TLCD3B: variants seen among roughly 807,000 people sequenced by gnomAD.
TLCD3B encodes the protein TLC domain containing 3B, also known as ceramide synthase.
Under a neutral mutation model 23.0 loss-of-function variants are expected in TLCD3B, and 9 were observed. That is an observed-to-expected ratio of 0.39 (90% CI 0.24 to 0.68). The LOEUF (loss-of-function observed/expected upper bound fraction) is 0.68. Among genes scored for constraint, TLCD3B ranks in the 30% least tolerant of loss-of-function variants. The pLI, the probability that TLCD3B is intolerant of heterozygous loss-of-function variation, is 0.44. For missense variants in TLCD3B, 307 were observed against 371.8 expected, an observed-to-expected ratio of 0.83 and a Z score of 1.43; for synonymous variants, 161 against 161.0, an observed-to-expected ratio of 1.00 and a Z score of 0.00.
At chr16:30,040,537 G>A (rs2071565300) in intron 3 of TLCD3B, among the ~76,000 whole-genome samples, 1 of 152,196 alleles carries the variant, frequency 6.6e-6, no homozygotes, top group South Asian at 2.1e-4. Context: ...GGCGAAGAGA[G>A]GGGAAGGCAT....
chr16:30,024,818 G>A lies in TLCD3B; in HGVS notation c.*365C>T. 4.2e-6 allele frequency: 1 copy of A among 235,856 alleles called. No individual in the cohort carries two copies. The highest frequency in any genetic ancestry group is 8.1e-6 in the Non-Finnish European group (1 of 123,718). The allele number at this position is 235,856 out of a possible 1,614,324, so 14.6% of individuals were successfully genotyped here. A position where few individuals can be genotyped will look rare whatever the true frequency, so the allele number is the denominator to read the frequency against. On this transcript the variant is annotated 3_prime_UTR_variant, in exon 5 of 5. Transcript: ENST00000380495. ...TCTCGGGTGATGGGGAGCCCTGGGG[G>A]ATGGCAGCATAGGGGCTGGGATGGC...
intron 2 of TLCD3B, among the ~76,000 whole-genome samples, chr16:30,042,680 T>G (rs1287227556): frequency 6.6e-6 from 1 of 152,140 alleles, no homozygotes; most frequent in Non-Finnish European, 1.5e-5. Flanking sequence ...ACCAATATCC[T>G]AACTCAGCCT....
At chr16:30,042,067 G>A (rs951999586) in intron 2 of TLCD3B, among the ~76,000 whole-genome samples, 3 of 151,910 alleles carry the variant, frequency 2.0e-5, no homozygotes, top group East Asian at 1.9e-4. Context: ...TGCCTATCAC[G>A]AAAGTTTAAT....
In TLCD3B at chr16:30,025,359, G is replaced by A. The variant is rs202084270; in HGVS notation, c.649C>T (p.Arg217Cys). 100 of 1,598,450 alleles carry A rather than the reference G, an allele frequency of 6.3e-5. No individual in the cohort carries two copies. The East Asian group carries it at 1.3e-3, about 21-fold the overall frequency. The change falls in exon 5 of 5, where the codon CGC becomes TGC. Residue 217 changes from arginine to cysteine, a missense_variant. Coordinates refer to ENST00000380495, the MANE Select transcript of TLCD3B (RefSeq NM_031478.6). The surrounding 1 kb of genome is among the most constrained non-coding windows in gnomAD (Gnocchi z 4.1). The part of the protein sequence containing the change: ...LFPYLYWAYG[R>C]HAGLPLLAVP... Reference sequence around the variant, plus strand: ...GCCAGCAGGGGCAGGCCGGCATGGCGCCCGTAGGCCCAGTACAGGTAGGGA... The same window carrying A: ...GCCAGCAGGGGCAGGCCGGCATGGCACCCGTAGGCCCAGTACAGGTAGGGA...
chr16:30,043,782 C>G (rs776569893), intron 2 of TLCD3B, among the ~76,000 whole-genome samples: 9 of 151,960 alleles, frequency 5.9e-5, no homozygotes, highest in Non-Finnish European at 1.3e-4. Flanking sequence ...TTGCCAGGCT[C>G]AAGTGATCCT....
chr16:30,035,911 C>T (rs1006816262), upstream of TLCD3B, among the ~76,000 whole-genome samples: 7 of 151,692 alleles, frequency 4.6e-5, no homozygotes, highest in Non-Finnish European at 7.4e-5. Context: ...TACAGGCGCC[C>T]GCCACCATGC....
Position 30,029,218 on chromosome 16 carries a change from G to A in TLCD3B, c.209+214C>T, listed in dbSNP as rs540589418. On this transcript the variant is annotated intron_variant, in intron 2 of 4. Coordinates refer to ENST00000380495, the MANE Select transcript of TLCD3B (RefSeq NM_031478.6). The surrounding 1 kb of genome is among the most constrained non-coding windows in gnomAD (Gnocchi z 4.6). ...GCTTTGAGGATCCTCTCTGATCCCC[G>A]CTCCTTCTCCCCCTGGTTCTGACCT... Among the ~76,000 whole-genome samples, 4 of 152,162 alleles carry A rather than the reference G, an allele frequency of 2.6e-5. No individual in the cohort carries two copies. The highest frequency in any genetic ancestry group is 5.9e-5 in the Non-Finnish European group (4 of 68,026).
Position 30,029,637 on chromosome 16 carries a change from C to T in TLCD3B, c.126-122G>A. 2.4e-6 allele frequency: 2 copies of T among 835,912 alleles called. No homozygotes were observed. Among genetic ancestry groups the T allele is most frequent in the Non-Finnish European group, 3.9e-6 (2 of 513,782 alleles). 51.8% of individuals were successfully genotyped at this position (835,912 alleles called of 1,614,324 possible). ...CAGCCACTTCTCGGGCCAGTCCTTG[C>T]CTGCCTTCGCCCAAGGCTGGGCTGC... On this transcript the variant is annotated intron_variant, in intron 1 of 4. Coordinates refer to ENST00000380495, the MANE Select transcript of TLCD3B (RefSeq NM_031478.6). This position sits in a 1 kb window ranked among gnomAD's most constrained non-coding sequence, Gnocchi z 4.6.
chr16:30,035,440 G>C, upstream of TLCD3B: 8 of 1,289,586 alleles, frequency 6.2e-6, no homozygotes, highest in Non-Finnish European at 8.1e-6. Context: ...AGCACAACGG[G>C]AAGAAGACGC....
In TLCD3B at chr16:30,030,478, A is replaced by T; in HGVS notation, c.50T>A (p.Leu17His). ...CCGCTGGAGCGTGTTCTTGGAGAGG[A>T]GGAAGAGTCCGGGGAACACCACCCC... ...AGGVVFPGLF[L>H]LSKNTLQRLP... The change falls in exon 1 of 5, where the codon CTC becomes CAC. Residue 17 changes from leucine (L) to histidine (H), a missense_variant. By Grantham distance (99) the Leu-to-His change is moderately conservative (BLOSUM62 -3). Coordinates refer to ENST00000380495, the MANE Select transcript of TLCD3B (RefSeq NM_031478.6). 6.2e-7 allele frequency: 1 copy of T among 1,607,178 alleles called. No homozygotes were observed. Among genetic ancestry groups the T allele is most frequent in the Admixed American group, 1.7e-5 (1 of 57,956 alleles).
chr16:30,026,349 CTG>C (rs1187286393), intron 3 of TLCD3B, among the ~76,000 whole-genome samples: 1 of 152,154 alleles, frequency 6.6e-6, no homozygotes, highest in African/African-American at 2.4e-5. Context: ...GGTGAGGAAA[CTG>C]AGGCTCAGAG....
chr16:30,045,714 GTGTT>G (rs1284072873), intron 2 of TLCD3B, among the ~76,000 whole-genome samples: 1 of 145,384 alleles, frequency 6.9e-6, no homozygotes, highest in Non-Finnish European at 1.5e-5. Context: ...TGTGTTGTGT[GTGTT>G]TGTGTGTGTG....
chr16:30,048,056 C>T (rs537985169), intron 1 of TLCD3B, among the ~76,000 whole-genome samples: 15 of 151,622 alleles, frequency 9.9e-5, no homozygotes, highest in Non-Finnish European at 1.6e-4. Context: ...GCAGAAGAAT[C>T]GCTTGAACCC....
upstream of TLCD3B, among the ~76,000 whole-genome samples, chr16:30,034,655 G>A (rs972405423): frequency 6.6e-6 from 1 of 152,080 alleles, no homozygotes; most frequent in African/African-American, 2.4e-5. Flanking sequence ...GGCTGGAGCT[G>A]AGCAGCACTG....
chr16:30,030,163 G>A (rs750870546), intron 1 of TLCD3B: 186 of 1,477,682 alleles, frequency 1.3e-4, no homozygotes, highest in African/African-American at 1.5e-4. Flanking sequence ...GAGGGTGTAC[G>A]GGGAAGAAGA....
Position 30,025,840 on chromosome 16 carries a change from A to G in TLCD3B, c.445-19T>C, listed in dbSNP as rs775745329. On this transcript the variant is annotated intron_variant, in intron 3 of 4. Coordinates refer to ENST00000380495, the MANE Select transcript of TLCD3B (RefSeq NM_031478.6). This position sits in a 1 kb window ranked among gnomAD's most constrained non-coding sequence, Gnocchi z 4.1. Reference sequence around the variant, plus strand: ...GCCACACCTGGGCACAGAGGCAGGAAGGTGAGGAGCTGGGGCTCTCCCTGG... The same window carrying G: ...GCCACACCTGGGCACAGAGGCAGGAGGGTGAGGAGCTGGGGCTCTCCCTGG... 6 of 1,604,484 alleles carry G rather than the reference A, an allele frequency of 3.7e-6. No individual in the cohort carries two copies. The highest frequency in any genetic ancestry group is 5.1e-6 in the Non-Finnish European group (6 of 1,171,856).
chr16:30,038,146 G>T (rs2071508740), intron 3 of TLCD3B, among the ~76,000 whole-genome samples: 1 of 152,110 alleles, frequency 6.6e-6, no homozygotes, highest in Non-Finnish European at 1.5e-5. Context: ...CTAAATTTAG[G>T]CTCTTCCTTT....
chr16:30,049,188 G>A (rs914738102), intron 1 of TLCD3B, among the ~76,000 whole-genome samples: 1 of 152,156 alleles, frequency 6.6e-6, no homozygotes, highest in African/African-American at 2.4e-5. Flanking sequence ...AAAGTCTGTG[G>A]AGAGGCCTCT....
Position 30,025,806 on chromosome 16 carries a change from T to C in TLCD3B, c.460A>G (p.Lys154Glu). 6.2e-7 allele frequency: 1 copy of C among 1,613,892 alleles called. No homozygotes were observed. Among genetic ancestry groups the C allele is most frequent in the Non-Finnish European group, 8.5e-7 (1 of 1,179,936 alleles). The change falls in exon 4 of 5, where the codon AAG (lysine) becomes GAG (glutamate). Residue 154 changes from lysine (K) to glutamate (E), a missense_variant. Lys to Glu is a moderately conservative substitution (Grantham distance 56). Transcript: ENST00000380495. The surrounding 1 kb of genome is among the most constrained non-coding windows in gnomAD (Gnocchi z 4.1). ...ATGCAACCCAGAAAGAAGTCTCCCT[T>C]ACCCTGTCGCCACACCTGGGCACAG... ...FPLSVVWRQG[K>E]GDFFLGCMLM...
Sources: allele counts gnomAD v4.1 joint callset (sites outside exome capture counted in the v4.1 genomes callset), GRCh38; gene constraint gnomAD v4.1.1; non-coding constraint Gnocchi (gnomAD v3.1); transcripts MANE v1.5; gene names NCBI Gene and HGNC (gene_info 2026-07-23, HGNC 2026-07-21).